PPP3CC: variants seen among roughly 807,000 people sequenced by gnomAD.
The protein encoded by PPP3CC is protein phosphatase 3 catalytic subunit gamma.
Under a neutral mutation model 60.3 loss-of-function variants are expected in PPP3CC, and 35 were observed. The observed-to-expected ratio is 0.58, with a 90% CI of 0.44 to 0.77. The LOEUF (loss-of-function observed/expected upper bound fraction) is 0.77, where lower values mean the gene tolerates loss of function less well. Ranked by LOEUF, PPP3CC falls within the 30% of genes least tolerant of loss-of-function variation. The probability of loss-of-function intolerance (pLI) is 0.00; values close to 1 mark genes in which losing one functional copy is unlikely to be tolerated. For missense variants in PPP3CC, 570 were observed against 628.9 expected (o/e 0.91, Z 1.00); for synonymous variants, 206 against 224.3 (o/e 0.92, Z 0.73).
At chr8:22,469,028 A>T (rs1168114639) in intron 1 of PPP3CC, among the ~76,000 whole-genome samples, 1 of 152,220 alleles carries the variant, frequency 6.6e-6, no homozygotes, top group African/African-American at 2.4e-5. Context: ...AAGGAAAATA[A>T]ATCAACATGT....
intron 6 of PPP3CC, among the ~76,000 whole-genome samples, chr8:22,520,738 AG>A (rs756461482): frequency 6.1e-4 from 93 of 152,122 alleles, no homozygotes; most frequent in Non-Finnish European, 1.1e-3. Flanking sequence ...GTTTAGTTGT[AG>A]TTCATTGAGC....
intron 6 of PPP3CC, among the ~76,000 whole-genome samples, chr8:22,521,317 G>A (rs1839399462): frequency 6.6e-6 from 1 of 152,218 alleles, no homozygotes; most frequent in Non-Finnish European, 1.5e-5. Flanking sequence ...GTTGGGTCTG[G>A]TTGGTGGATC....
In PPP3CC at chr8:22,522,728, C is replaced by G; in HGVS notation, c.922C>G (p.Leu308Val). 6.3e-7 allele frequency: 1 copy of G among 1,588,614 alleles called. No individual in the cohort carries two copies. The highest frequency in any genetic ancestry group is 8.6e-7 in the Non-Finnish European group (1 of 1,157,108). Residue 308 changes from leucine (L) to valine (V), a missense_variant, in exon 8 of 14, where the codon CTA becomes GTA. Leu to Val is a conservative substitution (Grantham distance 32). Transcript: ENST00000240139. ...LITIFSAPNY[L>V]DVYNNKAAVL... Reference sequence around the variant, plus strand: ...TACAATTTTCTCTGCCCCCAATTACCTAGATGTCTATAACAATAAAGGTAA... The same window carrying G: ...TACAATTTTCTCTGCCCCCAATTACGTAGATGTCTATAACAATAAAGGTAA...
At chr8:22,488,611 C>T (rs1234865464) in intron 3 of PPP3CC, among the ~76,000 whole-genome samples, 7 of 152,196 alleles carry the variant, frequency 4.6e-5, no homozygotes, top group South Asian at 2.1e-4. Flanking sequence ...GGGAGATGCA[C>T]AAGCAAAGTC....
chr8:22,468,982 A>G (rs556114354), intron 1 of PPP3CC, among the ~76,000 whole-genome samples: 1 of 152,342 alleles, frequency 6.6e-6, no homozygotes, highest in East Asian at 1.9e-4. Context: ...ATAGGATACA[A>G]CTGATCCAGC....
intron 10 of PPP3CC, among the ~76,000 whole-genome samples, chr8:22,530,508 AAAATAAATAAAT>A (rs754526584): frequency 3.3e-5 from 4 of 122,228 alleles, no homozygotes; most frequent in Non-Finnish European, 7.0e-5. Flanking sequence ...CACAAACATA[AAAATAAATAAAT>A]AAATAAATAA....
rs1471484850 is a variant in PPP3CC at position 22,527,584 on chromosome 8, G to GC, written c.1069+71dup. The GC allele has an allele frequency of 3.9e-6, 6 of 1,519,772 alleles. No individual in the cohort carries two copies. In the East Asian group the frequency reaches 1.4e-4, roughly 35 times the overall value. The allele number at this position is 1,519,772 out of a possible 1,614,324, so 94.1% of individuals were successfully genotyped here. On this transcript the variant is annotated intron_variant, in intron 9 of 13. Transcript: ENST00000240139. ...CTGAGCATACCTTATATTTGCATGA[G>GC]CCCCTCCATGATTCAGAAATGTTTT...
chr8:22,444,399 T>G (rs1836764849), intron 1 of PPP3CC, among the ~76,000 whole-genome samples: 2 of 152,300 alleles, frequency 1.3e-5, no homozygotes, highest in Middle Eastern at 3.4e-3. Context: ...AGGTTGGTAA[T>G]AGATCGCTTA....
chr8:22,503,956 G>A (rs1838836234), intron 4 of PPP3CC, among the ~76,000 whole-genome samples: 2 of 152,126 alleles, frequency 1.3e-5, no homozygotes, highest in African/African-American at 4.8e-5. Context: ...TCTCTTCAGT[G>A]GCCACTGTGG....
chr8:22,499,663 T>C (rs1014661553), intron 4 of PPP3CC, among the ~76,000 whole-genome samples: 2 of 152,218 alleles, frequency 1.3e-5, no homozygotes, highest in African/African-American at 2.4e-5. Context: ...ACAAACAGTA[T>C]GATGCTGACT....
At chr8:22,512,980 G>A (rs1280693078) in intron 5 of PPP3CC, among the ~76,000 whole-genome samples, 3 of 151,944 alleles carry the variant, frequency 2.0e-5, no homozygotes, top group East Asian at 1.9e-4. Context: ...GGAGGGTGAG[G>A]CAGGAGAATC....
chr8:22,474,288 A>T (rs930106876), intron 1 of PPP3CC, among the ~76,000 whole-genome samples: 9 of 152,132 alleles, frequency 5.9e-5, no homozygotes, highest in African/African-American at 2.2e-4. Context: ...ATTTTCTTTA[A>T]CCATAGTTTC....
chr8:22,468,274 T>C (rs1837609397), intron 1 of PPP3CC, among the ~76,000 whole-genome samples: 1 of 152,068 alleles, frequency 6.6e-6, no homozygotes, highest in Admixed American at 6.5e-5. Flanking sequence ...CAGCTAACTT[T>C]TGTATTTTTG....
In PPP3CC at chr8:22,491,886, C is replaced by T. The variant is rs1033620174; in HGVS notation, c.373-6115C>T. On this transcript the variant is annotated intron_variant, in intron 3 of 13. Coordinates refer to ENST00000240139, the MANE Select transcript of PPP3CC (RefSeq NM_005605.5). ...TATATTCTTGGAAAGAACGTATATT[C>T]TCTACTTGTTGAGCTATTCTTTATA... Among the ~76,000 whole-genome samples the T allele has an allele frequency of 7.2e-5, 11 of 152,120 alleles. No individual in the cohort carries two copies. The East Asian group carries it at 9.6e-4, about 13-fold the overall frequency.
At chr8:22,462,428 T>G (rs1450746872) in intron 1 of PPP3CC, among the ~76,000 whole-genome samples, 1 of 152,222 alleles carries the variant, frequency 6.6e-6, no homozygotes, top group East Asian at 1.9e-4. Context: ...ATTCGTCCGC[T>G]AAACTGGAAC....
chr8:22,473,896 T>G (rs373512761), intron 1 of PPP3CC, among the ~76,000 whole-genome samples: 26 of 152,188 alleles, frequency 1.7e-4, no homozygotes, highest in Middle Eastern at 6.8e-3. Context: ...TTATTCTGTT[T>G]TGTTTTGTTT....
intron 1 of PPP3CC, among the ~76,000 whole-genome samples, chr8:22,472,932 GT>G (rs1837774231): frequency 6.6e-6 from 1 of 152,180 alleles, no homozygotes; most frequent in Non-Finnish European, 1.5e-5. Flanking sequence ...GATGACAGGA[GT>G]TTTTCAGCTC....
intron 1 of PPP3CC, among the ~76,000 whole-genome samples, chr8:22,472,488 A>C (rs1000440824): frequency 2.0e-5 from 3 of 151,564 alleles, no homozygotes; most frequent in Non-Finnish European, 4.4e-5. Flanking sequence ...GCACACCTTC[A>C]GGAGCAGTAA....
intron 3 of PPP3CC, among the ~76,000 whole-genome samples, chr8:22,483,832 T>C (rs1838143438): frequency 6.6e-6 from 1 of 152,024 alleles, no homozygotes; most frequent in African/African-American, 2.4e-5. Context: ...TTAATGCCTA[T>C]CTTGTAATTA....
Sources: gnomAD v4.1 joint callset for allele counts (sites outside exome capture counted in the v4.1 genomes callset) on GRCh38, gnomAD v4.1.1 for gene constraint, MANE v1.5 for transcripts, NCBI Gene and HGNC (gene_info 2026-07-23, HGNC 2026-07-21) for gene names.